The following LANCL1 variants were observed in gnomAD, a reference collection of about 807,000 sequenced individuals.
LANCL1 encodes the protein glutathione S-transferase LANCL1.
LANCL1 carries 50 observed loss-of-function variants against 50.6 expected under a neutral mutation model. The ratio of observed to expected loss-of-function variants is 0.99; its 90% CI spans 0.79 to 1.25. LANCL1 has a LOEUF of 1.25. LANCL1 is among the 50% of genes most tolerant of loss of function. The pLI, the probability that LANCL1 is intolerant of heterozygous loss-of-function variation, is 0.00. For missense variants in LANCL1, 532 were observed against 480.7 expected (o/e 1.11, Z -1.00); for synonymous variants, 188 against 178.6 (o/e 1.05, Z -0.42).
chr2:210,441,300 C>T lies in LANCL1; in HGVS notation c.543+8G>A, dbSNP rs759578377. ...AAAAAGGCTCCTAAAAACACAAAAA[C>T]GTGGTACCTGCTGAATATGGCTTTG... On this transcript the variant is annotated splice_region_variant and intron_variant, in intron 5 of 9. Transcript: ENST00000450366. 8.7e-6 allele frequency: 14 copies of T among 1,607,624 alleles called. No individual in the cohort carries two copies. The highest frequency in any genetic ancestry group is 1.7e-4 in the Middle Eastern group (1 of 6,022).
intron 3 of LANCL1, among the ~76,000 whole-genome samples, chr2:210,466,388 C>T (rs927770761): frequency 6.6e-6 from 1 of 152,094 alleles, no homozygotes; most frequent in African/African-American, 2.4e-5. Context: ...TAGGCTAATC[C>T]TCTACACAGA....
intron 3 of LANCL1, among the ~76,000 whole-genome samples, chr2:210,465,604 A>C (rs1165509702): frequency 1.3e-5 from 2 of 152,204 alleles, no homozygotes; most frequent in Non-Finnish European, 2.9e-5. Flanking sequence ...TTGGTGCAGG[A>C]CTCTAAAATG....
chr2:210,454,987 C>T lies in LANCL1; in HGVS notation c.407+120G>A, dbSNP rs554336774. ...AGGAATATGACAATTGATCAAATGA[C>T]AGCAGTGAGATTTATCTGCTAAGAG... On this transcript the variant is annotated intron_variant, in intron 4 of 9. Transcript: ENST00000450366. 3.0e-5 allele frequency: 22 copies of T among 742,370 alleles called. No individual in the cohort carries two copies. The Admixed American group carries it at 4.2e-4, about 14-fold the overall frequency. 46.0% of individuals were successfully genotyped at this position (742,370 alleles called of 1,614,324 possible).
chr2:210,453,341 A>G (rs1241397157), intron 4 of LANCL1, among the ~76,000 whole-genome samples: 1 of 152,168 alleles, frequency 6.6e-6, no homozygotes, highest in Non-Finnish European at 1.5e-5. Context: ...GGCCCTCAAG[A>G]TTTCATGAAG....
chr2:210,443,020 G>A (rs1693193418), intron 4 of LANCL1, among the ~76,000 whole-genome samples: 1 of 152,140 alleles, frequency 6.6e-6, no homozygotes, highest in Non-Finnish European at 1.5e-5. Flanking sequence ...TCTTAGGAGG[G>A]GGTTATAAGC....
intron 7 of LANCL1, among the ~76,000 whole-genome samples, chr2:210,437,338 C>T (rs1692967217): frequency 6.6e-6 from 1 of 152,150 alleles, no homozygotes; most frequent in South Asian, 2.1e-4. Flanking sequence ...ATCAATTCAT[C>T]TGTTGATGAA....
chr2:210,471,037 C>CGAT (rs1559722955), intron 3 of LANCL1, among the ~76,000 whole-genome samples: 1 of 142,106 alleles, frequency 7.0e-6, no homozygotes, highest in Non-Finnish European at 1.5e-5. Flanking sequence ...AACTTTTCTT[C>CGAT]TTTGATTTTT....
chr2:210,444,513 T>TG (rs1321434384), intron 4 of LANCL1, among the ~76,000 whole-genome samples: 7 of 152,126 alleles, frequency 4.6e-5, no homozygotes, highest in African/African-American at 1.2e-4. Context: ...TGCAGGAAAG[T>TG]GGGGGTTGAA....
upstream of LANCL1, among the ~76,000 whole-genome samples, chr2:210,477,028 A>G (rs1694406689): frequency 6.6e-6 from 1 of 151,894 alleles, no homozygotes. Flanking sequence ...CTGGAGAAGA[A>G]ACAGACTGCT....
intron 4 of LANCL1, among the ~76,000 whole-genome samples, chr2:210,454,215 TACATACACACACACAC>T (rs1409051188): frequency 3.1e-5 from 4 of 127,842 alleles, no homozygotes; most frequent in Non-Finnish European, 5.0e-5. Context: ...GAGATATGCA[TACATACACACACACAC>T]ACACACACAC....
chr2:210,442,992 AG>A (rs1411790810), intron 4 of LANCL1, among the ~76,000 whole-genome samples: 6 of 152,364 alleles, frequency 3.9e-5, no homozygotes, highest in African/African-American at 1.4e-4. Flanking sequence ...ATTTCCCCAC[AG>A]ATTGGAGGAA....
In LANCL1 at chr2:210,436,376, T is replaced by G. The variant is rs147390013; in HGVS notation, c.890A>C (p.Lys297Thr). ...IQAYKVFREE[K>T]YLCDAYQCAD... ...ACACTGATAGGCATCACAGAGATAC[T>G]TTTCCTCTCTGAATACCTGCAGAGG... Residue 297 changes from lysine to threonine, a missense_variant, in exon 8 of 10, where the codon AAG (lysine) becomes ACG (threonine). Transcript: ENST00000450366. 6.2e-7 allele frequency: 1 copy of G among 1,613,780 alleles called. No homozygotes were observed.
At chr2:210,476,840 G>A, upstream of LANCL1, 3 of 989,900 alleles carry the variant, frequency 3.0e-6, no homozygotes, top group Non-Finnish European at 3.6e-6. Flanking sequence ...GTTTGTTAAA[G>A]ACACAGGCGT....
At position 210,436,319 on chromosome 2, in the gene LANCL1, T is replaced by C. The variant is rs1692931300; in HGVS notation, c.947A>G (p.Lys316Arg). 1 of 1,614,114 alleles carries C rather than the reference T, an allele frequency of 6.2e-7. No individual in the cohort carries two copies. The highest frequency in any genetic ancestry group is 8.5e-7 in the Non-Finnish European group (1 of 1,179,986). ...ACCGTGGCACAGCCCATATCCCTTC[T>C]TCAGCAACCCATATTGCCAGATCAC... ...ADVIWQYGLL[K>R]KGYGLCHGSA... is the part of the protein sequence containing the mutation. Residue 316 changes from lysine to arginine, a missense_variant, in exon 8 of 10, where the codon AAG becomes AGG. Transcript: ENST00000450366.
At chr2:210,435,559 A>G (rs1692899045) in intron 8 of LANCL1, 100 bp from the exon 9 acceptor site, 1 of 838,232 alleles carries the variant, frequency 1.2e-6, no homozygotes, top group Non-Finnish European at 2.1e-6. Flanking sequence ...AAAATCAAAC[A>G]CTACCTTCAC....
At chr2:210,447,009 AG>A (rs201741004) in intron 4 of LANCL1, among the ~76,000 whole-genome samples, 2,181 of 152,258 alleles carry the variant, frequency 0.014, 51 homozygotes, top group African/African-American at 0.05. Context: ...AGCACCACAA[AG>A]ATACTCCTTG....
At chr2:210,474,960 G>C (rs779513386) in intron 2 of LANCL1, among the ~76,000 whole-genome samples, 1 of 152,088 alleles carries the variant, frequency 6.6e-6, no homozygotes, top group African/African-American at 2.4e-5. Context: ...GGCCCAAATG[G>C]CCAAAGGGAA....
intron 4 of LANCL1, among the ~76,000 whole-genome samples, chr2:210,452,675 T>C (rs1693546404): frequency 6.6e-6 from 1 of 152,158 alleles, no homozygotes; most frequent in Non-Finnish European, 1.5e-5. Context: ...GAATATGTAC[T>C]ATAGGGAAAC....
chr2:210,473,948 T>A (rs893904439), intron 2 of LANCL1, among the ~76,000 whole-genome samples: 4 of 152,226 alleles, frequency 2.6e-5, no homozygotes. Flanking sequence ...TGCATCTATA[T>A]TGAGAACACG....
Sources: gnomAD v4.1 joint callset for allele counts (sites outside exome capture counted in the v4.1 genomes callset) on GRCh38, gnomAD v4.1.1 for gene constraint, MANE v1.5 for transcripts, NCBI Gene and HGNC (gene_info 2026-07-23, HGNC 2026-07-21) for gene names.